Variants in CTSH observed in about 807,000 individuals in gnomAD.
CTSH encodes pro-cathepsin H.
Under a neutral mutation model 56.3 loss-of-function variants are expected in CTSH, and 52 were observed. The observed-to-expected ratio is 0.92, with a 90% CI of 0.74 to 1.16. The LOEUF (loss-of-function observed/expected upper bound fraction) is 1.16. Ranked by LOEUF, CTSH falls within the 50% of genes most tolerant of loss-of-function variation. The probability of loss-of-function intolerance (pLI) is 0.00; values close to 1 mark genes in which losing one functional copy is unlikely to be tolerated. For missense variants in CTSH, 406 were observed against 424.5 expected (o/e 0.96, Z 0.38); for synonymous variants, 174 against 155.7 (o/e 1.12, Z -0.88).
chr15:78,922,029 A>G lies in CTSH; in HGVS notation c.*101T>C. ...GTGAGGGCAGAATGTTGGGGGTCCCAGTGGATCTCCCCACAACTTCCTCCA... is the reference window on the plus strand; with the variant it reads ...GTGAGGGCAGAATGTTGGGGGTCCCGGTGGATCTCCCCACAACTTCCTCCA... On this transcript the variant is annotated 3_prime_UTR_variant, in exon 12 of 12. Transcript: ENST00000220166. 1 of 1,090,250 alleles carries G rather than the reference A, an allele frequency of 9.2e-7. No individual in the cohort carries two copies. Among genetic ancestry groups the G allele is most frequent in the Non-Finnish European group, 1.4e-6 (1 of 740,458 alleles). The allele number at this position is 1,090,250 out of a possible 1,614,324, so 67.5% of individuals were successfully genotyped here. A position where few individuals can be genotyped will look rare whatever the true frequency, so the allele number is the denominator to read the frequency against.
At chr15:78,937,646 G>T in intron 2 of CTSH, 1 of 1,395,152 alleles carries the variant, frequency 7.2e-7, no homozygotes, top group Non-Finnish European at 9.4e-7. Flanking sequence ...GCAGCTGCGT[G>T]AAAGTCAGAA....
intron 6 of CTSH, chr15:78,931,749 G>A (rs2055065884): frequency 1.4e-6 from 2 of 1,420,634 alleles, no homozygotes; most frequent in Admixed American, 5.5e-5. Flanking sequence ...GTGAGAGGGG[G>A]CAAGGGCTGT....
rs755139758 is a variant in CTSH at position 78,931,516 on chromosome 15, G to A, written c.493-10C>T. The stretch of plus-strand genomic sequence containing the variant: ...CCAGCTGCTGTTCCGCCTGGAAGAA[G>A]GACACAACCCAGTGACCTGCCAGCT... On this transcript the variant is annotated splice_polypyrimidine_tract_variant and intron_variant, in intron 6 of 11. Transcript: ENST00000220166. 1.2e-6 allele frequency: 2 copies of A among 1,614,100 alleles called. No individual in the cohort carries two copies. The highest frequency in any genetic ancestry group is 3.3e-5 in the Admixed American group (2 of 60,012).
intron 10 of CTSH, among the ~76,000 whole-genome samples, chr15:78,924,546 T>C (rs1308829870): frequency 1.3e-5 from 2 of 151,906 alleles, no homozygotes; most frequent in Non-Finnish European, 2.9e-5. Flanking sequence ...GGCGAAAAGG[T>C]GTGGGTGAGA....
At chr15:78,925,801 CAG>C (rs1229105398) in intron 9 of CTSH, 8 of 212,824 alleles carry the variant, frequency 3.8e-5, no homozygotes, top group South Asian at 7.9e-5. Flanking sequence ...TGCTAGAACA[CAG>C]GGGTTATAAA....
rs555663327 is a variant in CTSH, at chr15:78,925,567, C to T, written c.700-127G>A. Reference sequence around the variant, plus strand: ...AGCATGGATGGCCAGAAGCAGCTCCCCTGCGGCCTCTCTCCCTTCCTGTCT... The same window carrying T: ...AGCATGGATGGCCAGAAGCAGCTCCTCTGCGGCCTCTCTCCCTTCCTGTCT... On this transcript the variant is annotated intron_variant, in intron 9 of 11. Coordinates refer to ENST00000220166, the MANE Select transcript of CTSH (RefSeq NM_004390.5). 4.7e-4 allele frequency: 298 copies of T among 631,950 alleles called. 3 individuals are homozygous for T. The South Asian group carries it at 4.9e-3, about 10-fold the overall frequency. 39.1% of individuals were successfully genotyped at this position (631,950 alleles called of 1,614,324 possible).
At chr15:78,944,259 G>C (rs1471911404) in intron 1 of CTSH, among the ~76,000 whole-genome samples, 1 of 152,250 alleles carries the variant, frequency 6.6e-6, no homozygotes, top group East Asian at 1.9e-4. Flanking sequence ...AGCCCGGGCA[G>C]TAGACAGGAT....
chr15:78,924,968 G>A (rs1464982542), intron 10 of CTSH, among the ~76,000 whole-genome samples: 1 of 151,846 alleles, frequency 6.6e-6, no homozygotes, highest in African/African-American at 2.4e-5. Flanking sequence ...AGTGCTGGGA[G>A]TACAGGCATG....
intron 7 of CTSH, among the ~76,000 whole-genome samples, chr15:78,930,856 T>G (rs1430952121): frequency 6.6e-6 from 1 of 152,154 alleles, no homozygotes; most frequent in Non-Finnish European, 1.5e-5. Context: ...CCTGGCTTTA[T>G]GCACACCATG....
intron 9 of CTSH, 56 bp downstream of exon 9, chr15:78,927,655 TGA>T (rs760212412): frequency 6.3e-4 from 950 of 1,509,346 alleles, no homozygotes; most frequent in Non-Finnish European, 8.0e-4. Context: ...TCCGACAGCA[TGA>T]GAGAGGCCTC....
intron 1 of CTSH, among the ~76,000 whole-genome samples, chr15:78,943,007 G>A (rs993417866): frequency 2.6e-5 from 4 of 152,162 alleles, no homozygotes; most frequent in Admixed American, 2.0e-4. Context: ...TAAGGGCCCT[G>A]CTGCAGCTGA....
chr15:78,931,097 T>C (rs2055049060), intron 7 of CTSH, among the ~76,000 whole-genome samples: 1 of 152,098 alleles, frequency 6.6e-6, no homozygotes, highest in South Asian at 2.1e-4. Context: ...CCTGTATCTG[T>C]GTGTGGATCT....
intron 3 of CTSH, among the ~76,000 whole-genome samples, chr15:78,936,405 C>T (rs1179056774): frequency 6.6e-6 from 1 of 151,562 alleles, no homozygotes; most frequent in Non-Finnish European, 1.5e-5. Flanking sequence ...TGGTCTCGAA[C>T]TCCTGACCCT....
intron 9 of CTSH, chr15:78,927,081 C>T (rs58119858): frequency 0.11 from 17,532 of 152,782 alleles, 1,255 homozygotes; most frequent in East Asian, 0.3. Context: ...CGTTCATTCA[C>T]GTTCCAGTTC....
rs2055236195 is a variant in CTSH, at chr15:78,939,163, G to T, written c.100C>A (p.His34Asn). The T allele has an allele frequency of 1.3e-6, 2 of 1,587,304 alleles. No homozygotes were observed. Among genetic ancestry groups the T allele is most frequent in the South Asian group, 1.2e-5 (1 of 85,734 alleles). The change falls in exon 2 of 12, where the codon CAC becomes AAC. Residue 34 changes from histidine (H) to asparagine (N), a missense_variant. By Grantham distance (68) the His-to-Asn change is moderately conservative. Coordinates refer to ENST00000220166, the MANE Select transcript of CTSH (RefSeq NM_004390.5). ...ACCTTAGACATCCATGACTTGAAGT[G>T]AAACTTCTCTGTAAAAAGAAAAAAA... ...ELCVNSLEKF[H>N]FKSWMSKHRK... is the part of the protein sequence containing the mutation.
intron 7 of CTSH, among the ~76,000 whole-genome samples, chr15:78,930,953 T>C (rs796708068): frequency 3.2e-4 from 49 of 152,290 alleles, no homozygotes; most frequent in African/African-American, 1.1e-3. Context: ...AGCAAATTCC[T>C]GGCAACCTGC....
intron 9 of CTSH, 66 bp downstream of exon 9, chr15:78,927,647 C>T (rs2054940000): frequency 7.6e-6 from 11 of 1,456,818 alleles, no homozygotes; most frequent in South Asian, 3.4e-5. Flanking sequence ...ACTGGCTATC[C>T]GACAGCATGA....
intron 6 of CTSH, 150 bp from the exon 7 acceptor site, chr15:78,931,656 A>T (rs2055064080): frequency 6.6e-7 from 1 of 1,511,802 alleles, no homozygotes; most frequent in Admixed American, 2.0e-5. Context: ...AAGGGCAGGG[A>T]CAGTTGCTGT....
At chr15:78,929,606 C>A in intron 7 of CTSH, 113 bp from the exon 8 acceptor site, 1 of 663,846 alleles carries the variant, frequency 1.5e-6, no homozygotes, top group Non-Finnish European at 2.5e-6. Context: ...CTTGGTTGGG[C>A]ATGTCCCAGT....
Sources: allele counts gnomAD v4.1 joint callset (sites outside exome capture counted in the v4.1 genomes callset), GRCh38; gene constraint gnomAD v4.1.1; transcripts MANE v1.5; gene names NCBI Gene and HGNC (gene_info 2026-07-23, HGNC 2026-07-21).